Variants in PLEKHG4B observed in about 807,000 individuals in gnomAD.
PLEKHG4B encodes the protein pleckstrin homology and RhoGEF domain containing G4B, also known as pleckstrin homology domain-containing family G member 4B.
Under a neutral mutation model 121.3 loss-of-function variants are expected in PLEKHG4B, and 111 were observed. The observed-to-expected ratio is 0.92, with a 90% CI of 0.78 to 1.07. The LOEUF is 1.07. Among genes scored for constraint, PLEKHG4B ranks in the 50% least tolerant of loss-of-function variants. PLEKHG4B has a pLI of 0.00. For synonymous variants in PLEKHG4B, 738 were observed against 725.0 expected, an observed-to-expected ratio of 1.02 and a Z score of -0.29; for missense variants, 1,831 against 1,757.8, an observed-to-expected ratio of 1.04 and a Z score of -0.74.
intron 13 of PLEKHG4B, 82 bp from the exon 14 acceptor site, chr5:169,258 T>A: frequency 6.4e-7 from 1 of 1,552,616 alleles, no homozygotes; most frequent in African/African-American, 1.4e-5. Flanking sequence ...GGTTTTCATG[T>A]GTTTCTGTCT....
In PLEKHG4B at chr5:136,681, G is replaced by A. The variant is rs12514128; in HGVS notation, c.244-2802G>A. Among the ~76,000 whole-genome samples the A allele has an allele frequency of 3.7e-3, 563 of 152,268 alleles. 1 individual carries two copies. The highest frequency in any genetic ancestry group is 6.0e-3 in the Non-Finnish European group (410 of 68,014). On this transcript the variant is annotated intron_variant, in intron 2 of 19. Coordinates refer to ENST00000637938, the MANE Select transcript of PLEKHG4B (RefSeq NM_052909.5). Reference sequence around the variant, plus strand: ...CATTAAAGGAAAACACCATTAATAGGAAAACACTATTAAAGGAAAAACACC... The same window carrying A: ...CATTAAAGGAAAACACCATTAATAGAAAAACACTATTAAAGGAAAAACACC...
intron 2 of PLEKHG4B, among the ~76,000 whole-genome samples, chr5:122,612 G>A (rs2126370513): frequency 6.6e-6 from 1 of 151,948 alleles, no homozygotes; most frequent in Non-Finnish European, 1.5e-5. Flanking sequence ...GTAGAGATGG[G>A]GTTTCACCAT....
At chr5:149,297 C>T (rs973281571) in intron 6 of PLEKHG4B, among the ~76,000 whole-genome samples, 1 of 152,012 alleles carries the variant, frequency 6.6e-6, no homozygotes, top group South Asian at 2.1e-4. Context: ...AATCCCAGCA[C>T]TTTGGGAGGC....
Position 163,066 on chromosome 5 carries a change from T to G in PLEKHG4B, c.2994T>G (p.Ser998Arg), listed in dbSNP as rs764928944. Residue 998 changes from serine to arginine, a missense_variant, in exon 13 of 20, where the codon AGT becomes AGG. Ser to Arg is a moderately radical substitution (Grantham distance 110). Transcript: ENST00000637938. ...CACCCTCATTCCCCAGCACGGACAGTGGGGGTGGTGCCTGGGAACCTGCGC... is the reference window on the plus strand; with the variant it reads ...CACCCTCATTCCCCAGCACGGACAGGGGGGGTGGTGCCTGGGAACCTGCGC... Reference protein sequence around the residue: ...QKPPSFPSTDSGGGAWEPAQP... With the variant: ...QKPPSFPSTDRGGGAWEPAQP... 173 of 1,560,490 alleles carry G rather than the reference T, an allele frequency of 1.1e-4. No homozygotes were observed. Among genetic ancestry groups the G allele is most frequent in the Non-Finnish European group, 1.4e-4 (167 of 1,152,500 alleles).
rs760278254 is a variant in PLEKHG4B, at chr5:171,266, G to A, written c.3872G>A (p.Arg1291Gln). The A allele has an allele frequency of 1.4e-5, 22 of 1,610,612 alleles. No homozygotes were observed. Among genetic ancestry groups the A allele is most frequent in the African/African-American group, 9.3e-5 (7 of 74,884 alleles). The change falls in exon 16 of 20, where the codon CGG becomes CAG. Residue 1291 changes from arginine to glutamine, a missense_variant. Transcript: ENST00000637938. Reference protein sequence around the residue: ...DKMDLASYLLRPVQRVAKYAL... With the variant: ...DKMDLASYLLQPVQRVAKYAL... ...ATGGACCTGGCCTCCTACCTGCTGC[G>A]GCCCGTGCAGCGTGTGGCCAAGTAC...
At chr5:135,390 G>T (rs1271038424) in intron 2 of PLEKHG4B, among the ~76,000 whole-genome samples, 3 of 151,094 alleles carry the variant, frequency 2.0e-5, no homozygotes, top group African/African-American at 7.3e-5. Context: ...AAATGGGCCG[G>T]GTGTGGTGGC....
chr5:164,404 A>T (rs560368392), intron 13 of PLEKHG4B, among the ~76,000 whole-genome samples: 2 of 146,874 alleles, frequency 1.4e-5, no homozygotes, highest in African/African-American at 5.0e-5. Context: ...CACAGTAATG[A>T]TGTGACTGGG....
Position 174,071 on chromosome 5 carries a change from C to T in PLEKHG4B, c.4375C>T (p.Leu1459=). 6.3e-7 allele frequency: 1 copy of T among 1,579,702 alleles called. No homozygotes were observed. The highest frequency in any genetic ancestry group is 8.6e-7 in the Non-Finnish European group (1 of 1,162,786). The change falls in exon 18 of 20, where the codon CTG becomes TTG. Residue 1459 remains leucine, a synonymous_variant. Coordinates refer to ENST00000637938, the MANE Select transcript of PLEKHG4B (RefSeq NM_052909.5). The part of the protein sequence containing the change: ...SAWTDVIGRI[L]WRQALKSREL... ...ATGGACCGATGTCATAGGGAGGATC[C>T]TGTGGCGGCAGGCACTAAAGAGCAG...
intron 8 of PLEKHG4B, 57 bp from the exon 9 acceptor site, chr5:155,288 A>G (rs1051086864): frequency 6.2e-6 from 9 of 1,447,156 alleles, no homozygotes; most frequent in African/African-American, 5.6e-5. Flanking sequence ...ACAGCTGCTT[A>G]CTTTAGCATT....
chr5:181,952 G>A (rs967643731), intron 19 of PLEKHG4B, 52 bp from the exon 20 acceptor site: 1 of 1,565,992 alleles, frequency 6.4e-7, no homozygotes, highest in Middle Eastern at 1.7e-4. Context: ...CCGAACCTGG[G>A]CTGCACTTCT....
chr5:153,087 T>A (rs970295887), intron 7 of PLEKHG4B, among the ~76,000 whole-genome samples: 7 of 152,236 alleles, frequency 4.6e-5, no homozygotes, highest in African/African-American at 1.7e-4. Flanking sequence ...CAGTGAATGT[T>A]TTAGTTCAAA....
intron 19 of PLEKHG4B, 38 bp from the exon 20 acceptor site, chr5:181,966 G>C (rs373569502): frequency 6.3e-7 from 1 of 1,591,126 alleles, no homozygotes; most frequent in Non-Finnish European, 8.6e-7. Flanking sequence ...CACTTCTGGA[G>C]CGGAAGCCAG....
chr5:105,544 T>G (rs1207409638), intron 1 of PLEKHG4B, among the ~76,000 whole-genome samples: 1 of 152,196 alleles, frequency 6.6e-6, no homozygotes, highest in Non-Finnish European at 1.5e-5. Flanking sequence ...GGCAGTGGTT[T>G]GGGGAGGCCA....
At chr5:127,340 T>TTTATTATTATTATTATTATTA (rs60825083) in intron 2 of PLEKHG4B, among the ~76,000 whole-genome samples, 72 of 135,562 alleles carry the variant, frequency 5.3e-4, no homozygotes, top group South Asian at 1.2e-3. Context: ...ATTGTTGGTT[T>TTTATTATTATTATTATTATTA]TTATTATTAT....
At chr5:94,530 T>C (rs10037069) in intron 1 of PLEKHG4B, among the ~76,000 whole-genome samples, 2,339 of 91,850 alleles carry the variant, frequency 0.025, 16 homozygotes, top group African/African-American at 0.1. Context: ...AAGTGTTGGT[T>C]CTGGGCCTGG....
chr5:161,637 G>A (rs759665433), intron 11 of PLEKHG4B, 146 bp from the exon 12 acceptor site: 10 of 946,494 alleles, frequency 1.1e-5, no homozygotes, highest in South Asian at 1.6e-5. Context: ...TTTGGTGCCT[G>A]CTCTCGAGAA....
intron 1 of PLEKHG4B, among the ~76,000 whole-genome samples, chr5:104,408 G>C (rs1049864480): frequency 1.8e-4 from 28 of 152,170 alleles, no homozygotes; most frequent in Admixed American, 1.6e-3. Context: ...TTAACATGCA[G>C]TATCCACCGT....
Position 162,848 on chromosome 5 carries a change from G to T in PLEKHG4B, c.2776G>T (p.Ala926Ser). The change falls in exon 13 of 20, where the codon GCA becomes TCA. Residue 926 changes from alanine to serine, a missense_variant. Physicochemically the swap from Ala to Ser is moderately conservative, Grantham distance 99 (BLOSUM62 1). Coordinates refer to ENST00000637938, the MANE Select transcript of PLEKHG4B (RefSeq NM_052909.5). The part of the protein sequence containing the change: ...AAEAFPGAGV[A>S]VLKPHALGKP... The stretch of plus-strand genomic sequence containing the variant: ...AGAGGCCTTCCCCGGGGCAGGTGTG[G>T]CAGTGCTGAAGCCTCATGCCCTGGG... 6.6e-7 allele frequency: 1 copy of T among 1,515,442 alleles called. No individual in the cohort carries two copies. Among genetic ancestry groups the T allele is most frequent in the South Asian group, 1.3e-5 (1 of 76,066 alleles). 93.9% of individuals were successfully genotyped at this position (1,515,442 alleles called of 1,614,324 possible).
At chr5:134,088 T>TATATATATATATAATAGA (rs1734868982) in intron 2 of PLEKHG4B, among the ~76,000 whole-genome samples, 1 of 100,266 alleles carries the variant, frequency 1.0e-5, no homozygotes, top group Non-Finnish European at 1.9e-5. Context: ...TATATATATA[T>TATATATATATATAATAGA]ATATATATAT....
Sources: allele counts gnomAD v4.1 joint callset (sites outside exome capture counted in the v4.1 genomes callset), GRCh38; gene constraint gnomAD v4.1.1; transcripts MANE v1.5; gene names NCBI Gene and HGNC (gene_info 2026-07-23, HGNC 2026-07-21).